The following PRKCE variants were observed in gnomAD, a reference collection of about 807,000 sequenced individuals.
The protein encoded by PRKCE is protein kinase C epsilon type.
PRKCE carries 16 observed loss-of-function variants against 85.4 expected under a neutral mutation model. The ratio of observed to expected loss-of-function variants is 0.19; its 90% CI spans 0.13 to 0.28. The LOEUF is 0.28. Among genes scored for constraint, PRKCE ranks in the 10% least tolerant of loss-of-function variants. PRKCE has a pLI of 1.00. For synonymous variants in PRKCE, 388 were observed against 371.5 expected (o/e 1.04, Z -0.51); for missense variants, 573 against 975.2 (o/e 0.59, Z 5.49).
intron 1 of PRKCE, among the ~76,000 whole-genome samples, chr2:45,821,762 T>C (rs965815427): frequency 6.6e-6 from 1 of 152,136 alleles, no homozygotes; most frequent in South Asian, 2.1e-4. Flanking sequence ...TGGAAATGAA[T>C]GTCACCCTGG....
chr2:45,925,033 C>T (rs1241105435), intron 2 of PRKCE, among the ~76,000 whole-genome samples: 1 of 152,130 alleles, frequency 6.6e-6, no homozygotes, highest in Non-Finnish European at 1.5e-5. Context: ...AACTGAGGTA[C>T]CCTGGGCTGG....
intron 2 of PRKCE, among the ~76,000 whole-genome samples, chr2:45,850,537 A>G (rs1414586746): frequency 6.6e-6 from 1 of 152,194 alleles, no homozygotes; most frequent in African/African-American, 2.4e-5. Context: ...ATTTCCATTC[A>G]TTTAACCTAA....
intron 1 of PRKCE, among the ~76,000 whole-genome samples, chr2:45,832,399 G>A (rs1467398908): frequency 1.3e-5 from 2 of 149,130 alleles, no homozygotes; most frequent in African/African-American, 2.5e-5. Context: ...TGCAACCTCC[G>A]GCTCTTGGGT....
intron 1 of PRKCE, among the ~76,000 whole-genome samples, chr2:45,731,616 A>T (rs1681579116): frequency 7.5e-6 from 1 of 132,788 alleles, no homozygotes; most frequent in Non-Finnish European, 1.5e-5. Flanking sequence ...GAATTCCTGG[A>T]ATTTTTTTTT....
intron 11 of PRKCE, among the ~76,000 whole-genome samples, chr2:46,131,986 T>A (rs1185616922): frequency 6.6e-5 from 10 of 152,068 alleles, no homozygotes. Context: ...TTTATTATTA[T>A]TATTTATTAT....
intron 1 of PRKCE, among the ~76,000 whole-genome samples, chr2:45,787,745 G>A (rs1363910207): frequency 2.6e-5 from 4 of 152,222 alleles, no homozygotes; most frequent in East Asian, 3.8e-4. Context: ...CAGGGTTCGC[G>A]ATACAGGTAT....
At chr2:45,890,305 G>A (rs952845096) in intron 2 of PRKCE, among the ~76,000 whole-genome samples, 2 of 151,984 alleles carry the variant, frequency 1.3e-5, no homozygotes, top group Admixed American at 1.3e-4. Context: ...TCTTTCCCTC[G>A]GATTATTTTG....
At chr2:45,844,838 T>A (rs1266931807) in intron 2 of PRKCE, among the ~76,000 whole-genome samples, 2 of 152,168 alleles carry the variant, frequency 1.3e-5, no homozygotes, top group African/African-American at 2.4e-5. Flanking sequence ...GATGGACAAA[T>A]GAATGAATAA....
intron 11 of PRKCE, among the ~76,000 whole-genome samples, chr2:46,137,208 C>G (rs1675088301): frequency 6.6e-6 from 1 of 152,128 alleles, no homozygotes; most frequent in African/African-American, 2.4e-5. Flanking sequence ...CCAGCCCAAC[C>G]TTATCCAGCT....
chr2:45,762,956 CT>C (rs11322742), intron 1 of PRKCE, among the ~76,000 whole-genome samples: 72,890 of 134,818 alleles, frequency 0.54, 20,623 homozygotes, highest in East Asian at 0.78. Flanking sequence ...TTCTTTTCTT[CT>C]TTTTTTTTTT....
chr2:46,113,085 A>G (rs945115249), intron 11 of PRKCE, among the ~76,000 whole-genome samples: 3 of 152,192 alleles, frequency 2.0e-5, no homozygotes, highest in African/African-American at 7.2e-5. Context: ...CTAGATATTA[A>G]CCATTAATAT....
chr2:46,092,742 T>A (rs372134948), intron 11 of PRKCE, among the ~76,000 whole-genome samples: 1 of 152,164 alleles, frequency 6.6e-6, no homozygotes, highest in Non-Finnish European at 1.5e-5. Flanking sequence ...GGCCTCCGTA[T>A]GGAAAATGCA....
intron 2 of PRKCE, among the ~76,000 whole-genome samples, chr2:45,975,851 G>C (rs535670692): frequency 6.6e-6 from 1 of 152,180 alleles, no homozygotes; most frequent in African/African-American, 2.4e-5. Flanking sequence ...TGACCTCTGG[G>C]AAAATGCTCT....
At chr2:45,800,237 C>G (rs60059588) in intron 1 of PRKCE, among the ~76,000 whole-genome samples, 8,140 of 152,266 alleles carry the variant, frequency 0.053, 730 homozygotes, top group African/African-American at 0.19. Context: ...GCTGGGTCAG[C>G]TGGGGGTCAG....
chr2:46,159,105 G>A lies in PRKCE; in HGVS notation c.1921-501G>A, dbSNP rs1677502240. 1.3e-5 allele frequency among the ~76,000 whole-genome samples: 2 copies of A among 152,190 alleles called. No homozygotes were observed. Among genetic ancestry groups the A allele is most frequent in the Admixed American group, 6.5e-5 (1 of 15,284 alleles). ...AGGAACAGGAAAGGAGCTGGAGGAG[G>A]CATTAGTACATTTGATCATTTACCT... On this transcript the variant is annotated intron_variant, in intron 13 of 14. Transcript: ENST00000306156. This position sits in a 1 kb window ranked among gnomAD's most constrained non-coding sequence, Gnocchi z 4.1.
At chr2:46,107,980 A>G (rs1249493548) in intron 11 of PRKCE, among the ~76,000 whole-genome samples, 3 of 152,140 alleles carry the variant, frequency 2.0e-5, no homozygotes, top group East Asian at 1.9e-4. Context: ...CAAGACTGCA[A>G]TACAGTGGTG....
chr2:45,748,630 C>A (rs974644796), intron 1 of PRKCE, among the ~76,000 whole-genome samples: 1 of 152,188 alleles, frequency 6.6e-6, no homozygotes, highest in African/African-American at 2.4e-5. Context: ...TCTCTTATCT[C>A]TACCCTTCAG....
At chr2:46,084,718 CAAAAAAAAAAA>C (rs11314680) in intron 10 of PRKCE, among the ~76,000 whole-genome samples, 1 of 92,236 alleles carries the variant, frequency 1.1e-5, no homozygotes, top group South Asian at 3.8e-4. Context: ...GAGACTCCAT[CAAAAAAAAAAA>C]AAAAAAAAAA....
intron 2 of PRKCE, among the ~76,000 whole-genome samples, chr2:45,970,926 C>G (rs906732419): frequency 6.6e-6 from 1 of 150,508 alleles, no homozygotes; most frequent in Admixed American, 6.7e-5. Context: ...TATATACATA[C>G]ACATATACAT....
Sources: gnomAD v4.1 joint callset for allele counts (sites outside exome capture counted in the v4.1 genomes callset) on GRCh38, gnomAD v4.1.1 for gene constraint, Gnocchi (gnomAD v3.1) non-coding constraint, MANE v1.5 for transcripts, NCBI Gene and HGNC (gene_info 2026-07-23, HGNC 2026-07-21) for gene names.